The following VAV2 variants were observed in gnomAD, a reference collection of about 807,000 sequenced individuals.
The protein encoded by VAV2 is guanine nucleotide exchange factor VAV2.
Under a neutral mutation model 132.5 loss-of-function variants are expected in VAV2, and 67 were observed. The ratio of observed to expected loss-of-function variants is 0.51; its 90% CI spans 0.42 to 0.62. The LOEUF (loss-of-function observed/expected upper bound fraction) is 0.62. Among genes scored for constraint, VAV2 ranks in the 20% least tolerant of loss-of-function variants. VAV2 has a pLI of 0.00. For synonymous variants in VAV2, 492 were observed against 443.5 expected, an observed-to-expected ratio of 1.11 and a Z score of -1.37; for missense variants, 938 against 1,153.6, an observed-to-expected ratio of 0.81 and a Z score of 2.71.
In VAV2 at chr9:133,863,266, G is replaced by A. The variant is rs185744797; in HGVS notation, c.322-1834C>T. 2.8e-3 allele frequency among the ~76,000 whole-genome samples: 422 copies of A among 152,336 alleles called. 1 individual carries two copies. Among genetic ancestry groups the A allele is most frequent in the African/African-American group, 9.8e-3 (407 of 41,576 alleles). Reference sequence around the variant, plus strand: ...AAGCCCCCTCTCACACACCTCCTGCGGCAGACGTGGCTGATCAATCCCTCC... The same window carrying A: ...AAGCCCCCTCTCACACACCTCCTGCAGCAGACGTGGCTGATCAATCCCTCC... On this transcript the variant is annotated intron_variant, in intron 2 of 29. Coordinates refer to ENST00000371850, the MANE Select transcript of VAV2 (RefSeq NM_001134398.2). The surrounding 1 kb of genome is among the most constrained non-coding windows in gnomAD (Gnocchi z 5.0).
At chr9:133,767,630 A>C (rs1429846739) in intron 29 of VAV2, among the ~76,000 whole-genome samples, 1 of 152,200 alleles carries the variant, frequency 6.6e-6, no homozygotes, top group East Asian at 1.9e-4. Context: ...AGTTGGGTAA[A>C]AAATGGGTCA....
chr9:133,805,492 C>A (rs1835098024), intron 9 of VAV2, among the ~76,000 whole-genome samples: 1 of 151,950 alleles, frequency 6.6e-6, no homozygotes, highest in African/African-American at 2.4e-5. Flanking sequence ...GTCTAACCCC[C>A]AGAAACGCCA....
Position 133,969,926 on chromosome 9 carries a change from G to C in VAV2, c.204+22149C>G, listed in dbSNP as rs576968367. ...GCCACATCTGCACCAACCCTGCCCA[G>C]GGTTCCCTGGCACACCCAGGATGAA... On this transcript the variant is annotated intron_variant, in intron 1 of 29. Transcript: ENST00000371850. The surrounding 1 kb of genome is among the most constrained non-coding windows in gnomAD (Gnocchi z 5.1). Among the ~76,000 whole-genome samples, 6 of 152,206 alleles carry C rather than the reference G, an allele frequency of 3.9e-5. No individual in the cohort carries two copies. The South Asian group carries it at 1.2e-3, about 32-fold the overall frequency.
intron 22 of VAV2, 32 bp from the exon 23 acceptor site, chr9:133,777,495 G>A (rs1310751536): frequency 1.9e-6 from 3 of 1,608,660 alleles, no homozygotes; most frequent in Non-Finnish European, 2.6e-6. Context: ...TAGGACAAGG[G>A]GGCCGAGCCT....
chr9:133,797,843 A>C, intron 9 of VAV2, 34 bp from the exon 10 acceptor site: 1 of 1,600,750 alleles, frequency 6.2e-7, no homozygotes, highest in Non-Finnish European at 8.5e-7. Context: ...ACACGCACAC[A>C]GATTTAATGA....
chr9:133,786,991 G>A (rs1834253679), intron 16 of VAV2, among the ~76,000 whole-genome samples: 1 of 152,178 alleles, frequency 6.6e-6, no homozygotes, highest in African/African-American at 2.4e-5. Context: ...GAGAGACCAA[G>A]AAACCCCAGC....
chr9:133,941,449 T>G (rs1201733600), intron 1 of VAV2, among the ~76,000 whole-genome samples: 1 of 152,044 alleles, frequency 6.6e-6, no homozygotes, highest in Admixed American at 6.5e-5. Context: ...AAACCTAGAT[T>G]GCTAATTTTA....
intron 2 of VAV2, among the ~76,000 whole-genome samples, chr9:133,927,412 G>A (rs1408659936): frequency 6.6e-6 from 1 of 152,192 alleles, no homozygotes; most frequent in Non-Finnish European, 1.5e-5. Context: ...GGCCACCCAC[G>A]GTCAGAGAAC....
At chr9:133,894,258 G>A (rs1839104945) in intron 2 of VAV2, among the ~76,000 whole-genome samples, 3 of 152,230 alleles carry the variant, frequency 2.0e-5, no homozygotes, top group Admixed American at 1.3e-4. Flanking sequence ...GCCGGGGCCC[G>A]GCCTGGCCAG....
rs1457518292 is a variant in VAV2 at position 133,796,443 on chromosome 9, G to A, written c.1018C>T (p.His340Tyr). 1 of 1,613,506 alleles carries A rather than the reference G, an allele frequency of 6.2e-7. No homozygotes were observed. The highest frequency in any genetic ancestry group is 8.5e-7 in the Non-Finnish European group (1 of 1,179,876). Residue 340 changes from histidine (H) to tyrosine (Y), a missense_variant, in exon 11 of 30, where the codon CAC (histidine) becomes TAC (tyrosine). By Grantham distance (83) the His-to-Tyr change is moderately conservative (BLOSUM62 2). Coordinates refer to ENST00000371850, the MANE Select transcript of VAV2 (RefSeq NM_001134398.2). ...VVPMQRVLKYHLLLKELLSHS... is the reference protein window; with the variant it reads ...VVPMQRVLKYYLLLKELLSHS... Reference sequence around the variant, plus strand: ...CAGAGCCTCACCTTCAAGAGCAGGTGGTATTTGAGCACCCTCTGCATGGGG... The same window carrying A: ...CAGAGCCTCACCTTCAAGAGCAGGTAGTATTTGAGCACCCTCTGCATGGGG...
chr9:133,825,371 C>T (rs1835945364), intron 4 of VAV2, among the ~76,000 whole-genome samples: 1 of 152,180 alleles, frequency 6.6e-6, no homozygotes, highest in Admixed American at 6.5e-5. Flanking sequence ...TCATTCCGGC[C>T]TCCTTCAGAC....
intron 2 of VAV2, among the ~76,000 whole-genome samples, chr9:133,891,351 A>G: frequency 5.4e-5 from 1 of 18,672 alleles, no homozygotes; most frequent in Non-Finnish European, 9.3e-5. Context: ...GAAGGGATGA[A>G]GGGGGAGGGA....
intron 2 of VAV2, among the ~76,000 whole-genome samples, chr9:133,893,845 C>G (rs73561834): frequency 0.077 from 11,681 of 151,572 alleles, 665 homozygotes; most frequent in African/African-American, 0.15. Context: ...CTGACCCACA[C>G]AGCAGCGGCG....
chr9:133,816,584 C>T (rs1046797576), intron 4 of VAV2, among the ~76,000 whole-genome samples: 22 of 152,122 alleles, frequency 1.4e-4, no homozygotes, highest in African/African-American at 5.3e-4. Flanking sequence ...GCCTCTTTTT[C>T]GAGCAGGGCA....
At chr9:133,904,017 T>C (rs772211590) in intron 2 of VAV2, among the ~76,000 whole-genome samples, 9 of 152,254 alleles carry the variant, frequency 5.9e-5, no homozygotes, top group Admixed American at 1.3e-4. Context: ...CCCTAAAAGC[T>C]TATAAAATCA....
intron 1 of VAV2, among the ~76,000 whole-genome samples, chr9:133,953,245 T>C (rs1251775043): frequency 1.3e-5 from 2 of 152,238 alleles, no homozygotes; most frequent in African/African-American, 2.4e-5. Flanking sequence ...TGTGGTTCTT[T>C]GTTGGGCAAC....
chr9:133,962,104 C>A (rs1317113920), intron 1 of VAV2, among the ~76,000 whole-genome samples: 1 of 152,110 alleles, frequency 6.6e-6, no homozygotes, highest in Non-Finnish European at 1.5e-5. Flanking sequence ...GCAGACAGAA[C>A]CCCACAGGAG....
At chr9:133,844,392 C>T (rs1836848170) in intron 3 of VAV2, among the ~76,000 whole-genome samples, 1 of 152,172 alleles carries the variant, frequency 6.6e-6, no homozygotes, top group Admixed American at 6.5e-5. Context: ...GGAACACCTG[C>T]CCAGGCTTGG....
intron 12 of VAV2, 111 bp downstream of exon 12, chr9:133,795,557 A>G (rs1834675411): frequency 7.3e-7 from 1 of 1,362,324 alleles, no homozygotes; most frequent in Admixed American, 1.7e-5. Flanking sequence ...CTGCTGTCCC[A>G]GGAAACTGTC....
Sources: gnomAD v4.1 joint callset for allele counts (sites outside exome capture counted in the v4.1 genomes callset) on GRCh38, gnomAD v4.1.1 for gene constraint, Gnocchi (gnomAD v3.1) non-coding constraint, MANE v1.5 for transcripts, NCBI Gene and HGNC (gene_info 2026-07-23, HGNC 2026-07-21) for gene names.